Variants in SERINC3 observed in about 807,000 individuals in gnomAD.
The protein encoded by SERINC3 is serine incorporator 3, also known as tumor differentially expressed protein 1.
A neutral mutation model predicts 52.1 loss-of-function variants in SERINC3; 22 were observed. The ratio of observed to expected loss-of-function variants is 0.42; its 90% CI spans 0.30 to 0.60. The LOEUF is 0.60. Among genes scored for constraint, SERINC3 ranks in the 20% least tolerant of loss-of-function variants. The pLI is 0.16. For missense variants in SERINC3, 564 were observed against 584.6 expected, an observed-to-expected ratio of 0.96 and a Z score of 0.36; for synonymous variants, 226 against 212.7, an observed-to-expected ratio of 1.06 and a Z score of -0.54.
chr20:44,499,027 AC>A lies in SERINC3; in HGVS notation c.*1268del, dbSNP rs1159338490. 2 of 152,246 alleles carry A rather than the reference AC, an allele frequency of 1.3e-5. No individual in the cohort carries two copies. The highest frequency in any genetic ancestry group is 2.4e-5 in the African/African-American group (1 of 41,522). The allele number at this position is 152,246 out of a possible 1,614,324, so 9.4% of individuals were successfully genotyped here. On this transcript the variant is annotated 3_prime_UTR_variant, in exon 10 of 10. Transcript: ENST00000342374. ...CAGAAAGCCTACCATTACACCAAAT[AC>A]CTCTCCTTTGAGTTCTCTCCAATTC...
rs138280881 is a variant in SERINC3 at position 44,515,664 on chromosome 20, T to A, written c.40-1624A>T. Among the ~76,000 whole-genome samples, 973 of 151,998 alleles carry A rather than the reference T, an allele frequency of 6.4e-3. 4 individuals carry two copies. Among genetic ancestry groups the A allele is most frequent in the Non-Finnish European group, 8.1e-3 (548 of 67,956 alleles). ...GCCACTATACGCTTTTTTATTTTTT[T>A]TTTTTTGAGACAGTCTCACTCTGTT... On this transcript the variant is annotated intron_variant, in intron 1 of 9. Transcript: ENST00000342374.
In SERINC3 at chr20:44,498,921, C is replaced by T. The variant is rs2064263582; in HGVS notation, c.*1375G>A. ...TCCTGCCTTTAACATGCAGTTTTAT[C>T]TACTCCAGCAATGTCGTCTCATTTT... On this transcript the variant is annotated 3_prime_UTR_variant, in exon 10 of 10. Coordinates refer to ENST00000342374, the MANE Select transcript of SERINC3 (RefSeq NM_006811.4). The T allele has an allele frequency of 6.6e-6, 1 of 152,162 alleles. No homozygotes were observed. The highest frequency in any genetic ancestry group is 1.5e-5 in the Non-Finnish European group (1 of 68,042). The allele number at this position is 152,162 out of a possible 1,614,324, so 9.4% of individuals were successfully genotyped here.
At chr20:44,518,516 A>C (rs1490546418) in intron 1 of SERINC3, among the ~76,000 whole-genome samples, 2 of 152,168 alleles carry the variant, frequency 1.3e-5, no homozygotes, top group Non-Finnish European at 2.9e-5. Context: ...TTTTAAGATC[A>C]TGAAGAAGCT....
rs1487634504 is a variant in SERINC3, at chr20:44,498,735, A to G, written c.*1561T>C. 6.6e-6 allele frequency: 1 copy of G among 152,212 alleles called. No individual in the cohort carries two copies. The highest frequency in any genetic ancestry group is 2.4e-5 in the African/African-American group (1 of 41,446). 9.4% of individuals were successfully genotyped at this position (152,212 alleles called of 1,614,324 possible). On this transcript the variant is annotated 3_prime_UTR_variant, in exon 10 of 10. Coordinates refer to ENST00000342374, the MANE Select transcript of SERINC3 (RefSeq NM_006811.4). ...AAATCCATTCTCTATATATCAGCCCAAGTGACTGAAGATAAAATTTGTTCA... is the reference window on the plus strand; with the variant it reads ...AAATCCATTCTCTATATATCAGCCCGAGTGACTGAAGATAAAATTTGTTCA...
intron 9 of SERINC3, 61 bp downstream of exon 9, chr20:44,501,012 A>G (rs1008544486): frequency 6.5e-6 from 8 of 1,231,624 alleles, no homozygotes; most frequent in Non-Finnish European, 9.5e-6. Flanking sequence ...ACAATGGATG[A>G]GATTTTATAG....
rs1215950078 is a variant in SERINC3, at chr20:44,498,700, T to G, written c.*1596A>C. 1 of 152,222 alleles carries G rather than the reference T, an allele frequency of 6.6e-6. No individual in the cohort carries two copies. Among genetic ancestry groups the G allele is most frequent in the African/African-American group, 2.4e-5 (1 of 41,464 alleles). 9.4% of individuals were successfully genotyped at this position (152,222 alleles called of 1,614,324 possible). On this transcript the variant is annotated 3_prime_UTR_variant, in exon 10 of 10. Coordinates refer to ENST00000342374, the MANE Select transcript of SERINC3 (RefSeq NM_006811.4). ...CATCTCATATGGACTGCACCTGGTCTCATCTCTCTAAATCCATTCTCTATA... is the reference window on the plus strand; with the variant it reads ...CATCTCATATGGACTGCACCTGGTCGCATCTCTCTAAATCCATTCTCTATA...
intron 4 of SERINC3, among the ~76,000 whole-genome samples, chr20:44,510,419 G>C (rs1170294103): frequency 6.6e-6 from 1 of 152,202 alleles, no homozygotes; most frequent in Non-Finnish European, 1.5e-5. Context: ...ATTCCATCAA[G>C]TGAGAACACA....
intron 1 of SERINC3, among the ~76,000 whole-genome samples, chr20:44,518,318 C>CAA (rs3091899): frequency 1.2e-3 from 105 of 87,258 alleles, no homozygotes; most frequent in East Asian, 1.8e-3. Flanking sequence ...AAATTAGCCT[C>CAA]AAAAAAAAAA....
chr20:44,513,793 G>T, intron 2 of SERINC3, 86 bp downstream of exon 2: 1 of 1,207,820 alleles, frequency 8.3e-7, no homozygotes, highest in Admixed American at 2.8e-5. Context: ...CAACCAACTT[G>T]ATTAACAACG....
intron 1 of SERINC3, among the ~76,000 whole-genome samples, chr20:44,520,082 C>G (rs1325783360): frequency 6.6e-6 from 1 of 152,122 alleles, no homozygotes; most frequent in African/African-American, 2.4e-5. Flanking sequence ...TTAATGAATG[C>G]TGACTACATA....
Position 44,497,520 on chromosome 20 carries a change from A to G in SERINC3, c.*2776T>C, listed in dbSNP as rs2064254900. On this transcript the variant is annotated 3_prime_UTR_variant, in exon 10 of 10. Transcript: ENST00000342374. ...TAGTATTGTTTGTATTTTGAATTAC[A>G]TTAAGGCGGAGGATGGGGCACTGTA... 2 of 152,232 alleles carry G rather than the reference A, an allele frequency of 1.3e-5. No homozygotes were observed. The allele number at this position is 152,232 out of a possible 1,614,324, so 9.4% of individuals were successfully genotyped here.
chr20:44,511,591 T>C (rs1273550363), intron 3 of SERINC3, among the ~76,000 whole-genome samples: 2 of 152,224 alleles, frequency 1.3e-5, no homozygotes, highest in African/African-American at 4.8e-5. Context: ...CTCACATTTA[T>C]TACCAGAGAA....
chr20:44,497,340 G>C (rs1013079351), downstream of SERINC3: 2 of 152,122 alleles, frequency 1.3e-5, no homozygotes, highest in Non-Finnish European at 2.9e-5. Flanking sequence ...CCTACTAAGA[G>C]GCAGACTTCA....
intron 1 of SERINC3, among the ~76,000 whole-genome samples, chr20:44,520,028 C>CA (rs1325892489): frequency 6.6e-6 from 1 of 152,114 alleles, no homozygotes; most frequent in South Asian, 2.1e-4. Context: ...CCTGACCCTC[C>CA]AAGGAGGGGC....
chr20:44,512,779 G>C, intron 3 of SERINC3, 22 bp downstream of exon 3: 1 of 1,533,518 alleles, frequency 6.5e-7, no homozygotes, highest in Non-Finnish European at 8.7e-7. Flanking sequence ...AATGTAACCA[G>C]TTAATCATAA....
At chr20:44,505,344 A>T (rs2064304862) in intron 6 of SERINC3, among the ~76,000 whole-genome samples, 1 of 151,570 alleles carries the variant, frequency 6.6e-6, no homozygotes, top group African/African-American at 2.4e-5. Context: ...TTTTTTTCTG[A>T]GACGGAGTCT....
Position 44,522,012 on chromosome 20 carries a change from C to G in SERINC3, c.-61G>C. 6.6e-7 allele frequency: 1 copy of G among 1,516,806 alleles called. No homozygotes were observed. The highest frequency in any genetic ancestry group is 9.0e-7 in the Non-Finnish European group (1 of 1,113,462). 94.0% of individuals were successfully genotyped at this position (1,516,806 alleles called of 1,614,324 possible). A position where few individuals can be genotyped will look rare whatever the true frequency, so the allele number is the denominator to read the frequency against. ...CTGCTTTCTAACACGGTGGTAACTG[C>G]CAGCTGAGGTGACTCCCCAGAAACA... On this transcript the variant is annotated 5_prime_UTR_variant, in exon 1 of 10. Coordinates refer to ENST00000342374, the MANE Select transcript of SERINC3 (RefSeq NM_006811.4).
Position 44,501,226 on chromosome 20 carries a change from G to C in SERINC3, c.1130C>G (p.Thr377Arg), listed in dbSNP as rs1287485787. 1.9e-6 allele frequency: 3 copies of C among 1,614,062 alleles called. No individual in the cohort carries two copies. The highest frequency in any genetic ancestry group is 8.5e-7 in the Non-Finnish European group (1 of 1,180,028). Residue 377 changes from threonine to arginine, a missense_variant, in exon 9 of 10, where the codon ACA (threonine) becomes AGA (arginine). Physicochemically the swap from Thr to Arg is moderately conservative, Grantham distance 71 (BLOSUM62 -1). Coordinates refer to ENST00000342374, the MANE Select transcript of SERINC3 (RefSeq NM_006811.4). Reference protein sequence around the residue: ...SGSDSVILGDTTTSGASDEED... With the variant: ...SGSDSVILGDRTTSGASDEED... The stretch of plus-strand genomic sequence containing the variant: ...TTCATCACTGGCACCACTGGTAGTT[G>C]TATCACCAAGGATGACGCTGTCACT...
chr20:44,513,023 GA>G (rs1286724851), intron 2 of SERINC3, 29 bp from the exon 3 acceptor site: 1 of 1,433,732 alleles, frequency 7.0e-7, no homozygotes, highest in Non-Finnish European at 9.2e-7. Flanking sequence ...AATGTTACGA[GA>G]ATATCTACAT....
Sources: allele counts gnomAD v4.1 joint callset (sites outside exome capture counted in the v4.1 genomes callset), GRCh38; gene constraint gnomAD v4.1.1; transcripts MANE v1.5; gene names NCBI Gene and HGNC (gene_info 2026-07-23, HGNC 2026-07-21).